Variants in SUCLG2 observed in about 807,000 individuals in gnomAD.
SUCLG2 encodes the protein succinate--CoA ligase [GDP-forming] subunit beta, mitochondrial.
Under a neutral mutation model 47.9 loss-of-function variants are expected in SUCLG2, and 42 were observed. The observed-to-expected ratio is 0.88, with a 90% confidence interval of 0.69 to 1.14. The LOEUF (loss-of-function observed/expected upper bound fraction) is 1.14. Among genes scored for constraint, SUCLG2 ranks in the 50% most tolerant of loss-of-function variants. The probability of loss-of-function intolerance (pLI) is 0.00; values close to 1 mark genes in which losing one functional copy is unlikely to be tolerated. For missense variants in SUCLG2, 571 were observed against 525.9 expected (o/e 1.09, Z -0.84); for synonymous variants, 195 against 197.3 (o/e 0.99, Z 0.10).
chr3:67,526,799 A>T (rs1706268666), intron 4 of SUCLG2, among the ~76,000 whole-genome samples: 1 of 152,226 alleles, frequency 6.6e-6, no homozygotes, highest in South Asian at 2.1e-4. Flanking sequence ...TTCTTAAAAA[A>T]ACTAATTATA....
intron 10 of SUCLG2, among the ~76,000 whole-genome samples, chr3:67,362,388 C>G (rs1408757286): frequency 6.6e-6 from 1 of 152,320 alleles, no homozygotes; most frequent in South Asian, 2.1e-4. Flanking sequence ...CTTCCTTAGG[C>G]AAGCTTTTCC....
intron 10 of SUCLG2, among the ~76,000 whole-genome samples, chr3:67,361,788 C>T (rs1701806787): frequency 6.6e-6 from 1 of 152,170 alleles, no homozygotes; most frequent in Admixed American, 6.5e-5. Flanking sequence ...GGCCATGTGA[C>T]TTGCTTTGGC....
intron 7 of SUCLG2, among the ~76,000 whole-genome samples, chr3:67,505,372 A>T (rs949896141): frequency 6.6e-6 from 1 of 152,250 alleles, no homozygotes; most frequent in South Asian, 2.1e-4. Context: ...ACTTTCTGTC[A>T]TTAGCAACCA....
At chr3:67,632,260 G>C (rs1335144115) in intron 1 of SUCLG2, among the ~76,000 whole-genome samples, 1 of 152,038 alleles carries the variant, frequency 6.6e-6, no homozygotes, top group Non-Finnish European at 1.5e-5. Context: ...TCTGCTCACT[G>C]TAGCCTCCCC....
chr3:67,562,224 C>G (rs1707326429), intron 2 of SUCLG2, among the ~76,000 whole-genome samples: 1 of 152,002 alleles, frequency 6.6e-6, no homozygotes. Flanking sequence ...GGCATTCCTT[C>G]ATGTTTGCAC....
intron 2 of SUCLG2, among the ~76,000 whole-genome samples, chr3:67,536,335 C>T (rs753698472): frequency 2.5e-4 from 38 of 152,216 alleles, no homozygotes; most frequent in Non-Finnish European, 5.0e-4. Context: ...AGATCATCTA[C>T]CTTCTTGAAT....
chr3:67,647,087 C>G (rs1373417368), intron 1 of SUCLG2, among the ~76,000 whole-genome samples: 3 of 152,044 alleles, frequency 2.0e-5, no homozygotes, highest in Non-Finnish European at 4.4e-5. Flanking sequence ...AGTCACAACT[C>G]TGGGACTAAG....
At chr3:67,524,968 A>C (rs989628089) in intron 4 of SUCLG2, among the ~76,000 whole-genome samples, 4 of 152,238 alleles carry the variant, frequency 2.6e-5, no homozygotes, top group Non-Finnish European at 4.4e-5. Flanking sequence ...GCATTTAAAA[A>C]GAAATCAACA....
chr3:67,487,499 T>TACACACACACAC (rs143841918), intron 9 of SUCLG2, among the ~76,000 whole-genome samples: 8,801 of 149,864 alleles, frequency 0.059, 304 homozygotes, highest in East Asian at 0.14. Flanking sequence ...AACACACATA[T>TACACACACACAC]ACACACACAC....
chr3:67,434,085 C>T (rs1703555914), intron 9 of SUCLG2, among the ~76,000 whole-genome samples: 1 of 152,200 alleles, frequency 6.6e-6, no homozygotes, highest in African/African-American at 2.4e-5. Flanking sequence ...AACCCCAAAT[C>T]ACTAAAGTAC....
At chr3:67,606,100 A>T (rs1385695018) in intron 2 of SUCLG2, among the ~76,000 whole-genome samples, 2 of 151,986 alleles carry the variant, frequency 1.3e-5, no homozygotes, top group Admixed American at 1.3e-4. Context: ...ACCTACTCTG[A>T]AGGCTGAGGT....
chr3:67,596,642 C>T (rs1376288281), intron 2 of SUCLG2, among the ~76,000 whole-genome samples: 1 of 152,140 alleles, frequency 6.6e-6, no homozygotes, highest in Non-Finnish European at 1.5e-5. Flanking sequence ...GAAGCACCAA[C>T]TATTTGTAGT....
chr3:67,627,242 A>G lies in SUCLG2; in HGVS notation c.85-17646T>C, dbSNP rs144816374. Among the ~76,000 whole-genome samples, 507 of 152,160 alleles carry G rather than the reference A, an allele frequency of 3.3e-3. 5 individuals carry two copies. Among genetic ancestry groups the G allele is most frequent in the African/African-American group, 0.011 (477 of 41,508 alleles). ...ACTATATTTAGTTATCCCCCAACCA[A>G]TTTTTACTTGGCATCTGCTTTAAAT... On this transcript the variant is annotated intron_variant, in intron 1 of 10. Coordinates refer to ENST00000307227, the MANE Select transcript of SUCLG2 (RefSeq NM_003848.4).
At chr3:67,460,855 T>C in intron 9 of SUCLG2, among the ~76,000 whole-genome samples, 1 of 152,092 alleles carries the variant, frequency 6.6e-6, no homozygotes, top group East Asian at 1.9e-4. Context: ...TTCCCAACAC[T>C]ACCAGTTGGA....
intron 4 of SUCLG2, among the ~76,000 whole-genome samples, chr3:67,527,866 C>A (rs1450316911): frequency 6.6e-6 from 1 of 152,188 alleles, no homozygotes; most frequent in African/African-American, 2.4e-5. Context: ...TCTGTGTTCT[C>A]AGAGGGAAAG....
chr3:67,433,661 G>A (rs954602432), intron 9 of SUCLG2, among the ~76,000 whole-genome samples: 1 of 152,096 alleles, frequency 6.6e-6, no homozygotes, highest in African/African-American at 2.4e-5. Context: ...TGATTAATAA[G>A]CAAACTGCTC....
chr3:67,582,331 T>C (rs534426267), intron 2 of SUCLG2, among the ~76,000 whole-genome samples: 146 of 152,308 alleles, frequency 9.6e-4, no homozygotes, highest in Non-Finnish European at 1.7e-3. Flanking sequence ...ATGTACTCAA[T>C]GTTTAGCTCC....
At chr3:67,460,973 T>A (rs988444997) in intron 9 of SUCLG2, among the ~76,000 whole-genome samples, 3 of 152,144 alleles carry the variant, frequency 2.0e-5, no homozygotes, top group Non-Finnish European at 4.4e-5. Flanking sequence ...ATAATTTGTC[T>A]AACGTCTCTG....
At position 67,647,849 on chromosome 3, in the gene SUCLG2, T is replaced by TA. The variant is rs1262146807; in HGVS notation, c.84+6653dup. Among the ~76,000 whole-genome samples, 5 of 152,212 alleles carry TA rather than the reference T, an allele frequency of 3.3e-5. No homozygotes were observed. In the East Asian group the frequency reaches 7.7e-4, roughly 24 times the overall value. On this transcript the variant is annotated intron_variant, in intron 1 of 10. Coordinates refer to ENST00000307227, the MANE Select transcript of SUCLG2 (RefSeq NM_003848.4). ...TTCCCCAGAAGTAAGCTGGGAACAA[T>TA]AACTCCTATTTCACATGGCTACTGC...
Sources: allele counts gnomAD v4.1 joint callset (sites outside exome capture counted in the v4.1 genomes callset), GRCh38; gene constraint gnomAD v4.1.1; transcripts MANE v1.5; gene names NCBI Gene and HGNC (gene_info 2026-07-23, HGNC 2026-07-21).